PPP1CC: variants seen among roughly 807,000 people sequenced by gnomAD.
PPP1CC encodes protein phosphatase 1 catalytic subunit gamma, also known as serine/threonine-protein phosphatase PP1-gamma catalytic subunit.
Under a neutral mutation model 38.4 loss-of-function variants are expected in PPP1CC, and 16 were observed. That is an observed-to-expected ratio of 0.42 (90% CI 0.28 to 0.63). The LOEUF is 0.63. PPP1CC is among the 30% of genes least tolerant of loss of function. PPP1CC has a pLI of 0.25. For synonymous variants in PPP1CC, 158 were observed against 136.0 expected, an observed-to-expected ratio of 1.16 and a Z score of -1.13; for missense variants, 170 against 391.3, an observed-to-expected ratio of 0.43 and a Z score of 4.77.
chr12:110,725,333 C>G (rs1419367715), intron 3 of PPP1CC: 1 of 152,338 alleles, frequency 6.6e-6, no homozygotes, highest in Non-Finnish European at 1.5e-5. Flanking sequence ...GCGTTATGAC[C>G]TTCCTTCTGA....
chr12:110,735,323 C>A (rs1466611577), intron 1 of PPP1CC, among the ~76,000 whole-genome samples: 1 of 152,114 alleles, frequency 6.6e-6, no homozygotes, highest in African/African-American at 2.4e-5. Context: ...CTTTATATTG[C>A]CATTCAATCC....
Position 110,720,685 on chromosome 12 carries a change from A to G in PPP1CC, c.*391T>C, listed in dbSNP as rs1314219581. On this transcript the variant is annotated 3_prime_UTR_variant, in exon 7 of 7. Coordinates refer to ENST00000335007, the MANE Select transcript of PPP1CC (RefSeq NM_002710.4). ...TGCATTTTATGACAAGAACATGTACAGATTCAGAGCACCCTAGGGCTCTCT... is the reference window on the plus strand; with the variant it reads ...TGCATTTTATGACAAGAACATGTACGGATTCAGAGCACCCTAGGGCTCTCT... The G allele has an allele frequency of 5.0e-6, 1 of 201,262 alleles. No individual in the cohort carries two copies. Among genetic ancestry groups the G allele is most frequent in the Non-Finnish European group, 1.0e-5 (1 of 98,298 alleles). 12.5% of individuals were successfully genotyped at this position (201,262 alleles called of 1,614,324 possible).
At chr12:110,718,550 G>A (rs1023992089), downstream of PPP1CC, among the ~76,000 whole-genome samples, 1 of 152,096 alleles carries the variant, frequency 6.6e-6, no homozygotes. Context: ...CAAAGCAAAG[G>A]CAAGTGACAC....
chr12:110,721,211 A>C, intron 6 of PPP1CC, 46 bp from the exon 7 acceptor site: 1 of 1,505,302 alleles, frequency 6.6e-7, no homozygotes, highest in Non-Finnish European at 9.2e-7. Context: ...ACTCAACCCC[A>C]AATCTTAAGA....
At position 110,722,021 on chromosome 12, in the gene PPP1CC, A is replaced by G. The variant is rs1358675810; in HGVS notation, c.882+114T>C. On this transcript the variant is annotated intron_variant, in intron 6 of 6. Coordinates refer to ENST00000335007, the MANE Select transcript of PPP1CC (RefSeq NM_002710.4). The surrounding 1 kb of genome is among the most constrained non-coding windows in gnomAD (Gnocchi z 5.4). ...TAATACACACTGGTTAAGGGAAAAT[A>G]AAAACTTAGCCTACTCAGCATAAGT... is the stretch of plus-strand genomic sequence containing the variant. 4 of 1,312,000 alleles carry G rather than the reference A, an allele frequency of 3.0e-6. No individual in the cohort carries two copies. The African/African-American group carries it at 5.9e-5, about 20-fold the overall frequency. The allele number at this position is 1,312,000 out of a possible 1,614,324, so 81.3% of individuals were successfully genotyped here.
chr12:110,736,619 G>A (rs184236769), intron 1 of PPP1CC, among the ~76,000 whole-genome samples: 11 of 152,274 alleles, frequency 7.2e-5, no homozygotes, highest in Admixed American at 3.9e-4. Context: ...ACTCCAGCCT[G>A]GGCCACAGAG....
At chr12:110,715,168 C>A (rs888975510), downstream of PPP1CC, among the ~76,000 whole-genome samples, 1 of 151,872 alleles carries the variant, frequency 6.6e-6, no homozygotes, top group African/African-American at 2.4e-5. Flanking sequence ...AAAAGGAATA[C>A]GCACTTTTAA....
At chr12:110,713,010 T>C in the PPP1CC span, among the ~76,000 whole-genome samples, 2 of 151,464 alleles carry the variant, frequency 1.3e-5, no homozygotes, top group East Asian at 3.9e-4. Flanking sequence ...GAGGTGGAGG[T>C]TGCGGTGAGC....
chr12:110,724,926 G>A (rs2069779506), intron 3 of PPP1CC, 162 bp from the exon 4 acceptor site: 3 of 422,852 alleles, frequency 7.1e-6, no homozygotes, highest in South Asian at 5.1e-5. Flanking sequence ...TTATTTTAAG[G>A]CTCTTTTAAA....
the PPP1CC span, among the ~76,000 whole-genome samples, chr12:110,709,162 C>T: frequency 6.6e-6 from 1 of 152,102 alleles, no homozygotes; most frequent in African/African-American, 2.4e-5. Context: ...TACAAACCCA[C>T]AAACACTTCA....
At position 110,720,201 on chromosome 12, in the gene PPP1CC, G is replaced by A. The variant is rs1177847322; in HGVS notation, c.*875C>T. ...CTGAATGGACGGGTTCAGGCCTGATGCAACTGTAAAAAGATTACTTAATGA... is the reference window on the plus strand; with the variant it reads ...CTGAATGGACGGGTTCAGGCCTGATACAACTGTAAAAAGATTACTTAATGA... On this transcript the variant is annotated 3_prime_UTR_variant, in exon 7 of 7. Coordinates refer to ENST00000335007, the MANE Select transcript of PPP1CC (RefSeq NM_002710.4). 11 of 1,549,104 alleles carry A rather than the reference G, an allele frequency of 7.1e-6. No homozygotes were observed. The highest frequency in any genetic ancestry group is 1.4e-5 in the African/African-American group (1 of 73,792).
At chr12:110,728,128 G>A (rs536437483) in intron 3 of PPP1CC, among the ~76,000 whole-genome samples, 110 of 152,238 alleles carry the variant, frequency 7.2e-4, no homozygotes, top group African/African-American at 2.4e-3. Context: ...GGCCAGGCAC[G>A]GTGGCTCACG....
chr12:110,730,272 T>A (rs191095417), intron 3 of PPP1CC, among the ~76,000 whole-genome samples: 389 of 152,300 alleles, frequency 2.6e-3, no homozygotes, highest in Non-Finnish European at 4.0e-3. Context: ...GGCAGGAGGA[T>A]TGCTTGAGCC....
chr12:110,742,616 C>T, intron 1 of PPP1CC, 37 bp downstream of exon 1: 3 of 1,402,056 alleles, frequency 2.1e-6, no homozygotes, highest in Non-Finnish European at 1.9e-6. Context: ...CGCCCTCAGG[C>T]CCGCCTCCCC....
Position 110,721,183 on chromosome 12 carries a change from A to G in PPP1CC, c.883-18T>C. 1 of 1,603,600 alleles carries G rather than the reference A, an allele frequency of 6.2e-7. No individual in the cohort carries two copies. Among genetic ancestry groups the G allele is most frequent in the South Asian group, 1.1e-5 (1 of 90,602 alleles). On this transcript the variant is annotated intron_variant, in intron 6 of 6. Coordinates refer to ENST00000335007, the MANE Select transcript of PPP1CC (RefSeq NM_002710.4). ...TTTAAAATCTGGAGATTCAAAAGAC[A>G]GTTAATTTAGGAAATATACTCAACC...
rs370824705 is a variant in PPP1CC at position 110,719,925 on chromosome 12, A to G, written c.*1151T>C. 5.9e-6 allele frequency: 3 copies of G among 507,212 alleles called. No homozygotes were observed. The highest frequency in any genetic ancestry group is 6.9e-6 in the Non-Finnish European group (2 of 288,376). 31.4% of individuals were successfully genotyped at this position (507,212 alleles called of 1,614,324 possible). ...GAAGATTTAACAAGTTCATCATTTA[A>G]TAAGTCTGAATTCATTTTCACCACA... On this transcript the variant is annotated 3_prime_UTR_variant, in exon 7 of 7. Coordinates refer to ENST00000335007, the MANE Select transcript of PPP1CC (RefSeq NM_002710.4).
chr12:110,718,029 T>C (rs112005853), downstream of PPP1CC, among the ~76,000 whole-genome samples: 224 of 152,330 alleles, frequency 1.5e-3, 1 homozygote, highest in African/African-American at 5.0e-3. Flanking sequence ...CATTGAGAAA[T>C]TTGATTGATA....
At chr12:110,724,408 A>G (rs997092739) in intron 4 of PPP1CC, among the ~76,000 whole-genome samples, 1 of 152,148 alleles carries the variant, frequency 6.6e-6, no homozygotes, top group African/African-American at 2.4e-5. Flanking sequence ...AAAAAATAAA[A>G]TAAAAATAAA....
At chr12:110,741,326 G>C (rs1316870076) in intron 1 of PPP1CC, among the ~76,000 whole-genome samples, 2 of 152,126 alleles carry the variant, frequency 1.3e-5, no homozygotes, top group Non-Finnish European at 2.9e-5. Context: ...CTGTCCAACT[G>C]TTCATGCCCT....
Sources: gnomAD v4.1 joint callset for allele counts (sites outside exome capture counted in the v4.1 genomes callset) on GRCh38, gnomAD v4.1.1 for gene constraint, Gnocchi (gnomAD v3.1) non-coding constraint, MANE v1.5 for transcripts, NCBI Gene and HGNC (gene_info 2026-07-23, HGNC 2026-07-21) for gene names.